RNF216: variants seen among roughly 807,000 people sequenced by gnomAD.
RNF216 encodes the protein E3 ubiquitin-protein ligase RNF216.
In RNF216, 72 loss-of-function variants were observed where a neutral mutation model predicts 110.8. That is an observed-to-expected ratio of 0.65 (90% confidence interval 0.54 to 0.79). The LOEUF is 0.79. RNF216 is among the 30% of genes least tolerant of loss of function. The pLI is 0.00. For synonymous variants in RNF216, 495 were observed against 407.5 expected (o/e 1.21, Z -2.59); for missense variants, 1,342 against 1,141.2 (o/e 1.18, Z -2.54).
intron 14 of RNF216, among the ~76,000 whole-genome samples, chr7:5,642,103 C>A (rs1194809215): frequency 6.7e-6 from 1 of 148,968 alleles, no homozygotes; most frequent in Admixed American, 6.7e-5. Context: ...AGATAAAGTG[C>A]ATTTAGTACT....
At chr7:5,764,556 G>A (rs971979877) in intron 1 of RNF216, among the ~76,000 whole-genome samples, 8 of 151,754 alleles carry the variant, frequency 5.3e-5, no homozygotes, top group South Asian at 2.1e-4. Flanking sequence ...GTTGAGGCGA[G>A]AGAATCGCTT....
intron 7 of RNF216, among the ~76,000 whole-genome samples, chr7:5,726,598 C>T (rs1562434546): frequency 1.3e-5 from 2 of 152,134 alleles, no homozygotes; most frequent in Non-Finnish European, 2.9e-5. Flanking sequence ...TGGCTCACGC[C>T]TGTAATCCCA....
chr7:5,690,903 C>T (rs545100536), intron 13 of RNF216, among the ~76,000 whole-genome samples: 7 of 152,230 alleles, frequency 4.6e-5, no homozygotes, highest in South Asian at 2.1e-4. Flanking sequence ...CATGGAATTG[C>T]GATTTGGGGG....
Position 5,624,175 on chromosome 7 carries a change from G to T in RNF216, c.2383-50C>A. On this transcript the variant is annotated intron_variant, in intron 15 of 16. Coordinates refer to ENST00000389902, the MANE Select transcript of RNF216 (RefSeq NM_207111.4). This position sits in a 1 kb window ranked among gnomAD's most constrained non-coding sequence, Gnocchi z 4.4. Reference sequence around the variant, plus strand: ...TGAACCTGTAGCTTCATGCAGTGCTGAGGCCCCGTGGGACAGTGAGGAGGC... The same window carrying T: ...TGAACCTGTAGCTTCATGCAGTGCTTAGGCCCCGTGGGACAGTGAGGAGGC... The T allele has an allele frequency of 6.6e-7, 1 of 1,522,366 alleles. No homozygotes were observed. Among genetic ancestry groups the T allele is most frequent in the South Asian group, 1.1e-5 (1 of 87,882 alleles). The allele number at this position is 1,522,366 out of a possible 1,614,324, so 94.3% of individuals were successfully genotyped here.
At chr7:5,771,028 G>A (rs1483759112) in intron 1 of RNF216, among the ~76,000 whole-genome samples, 2 of 152,066 alleles carry the variant, frequency 1.3e-5, no homozygotes, top group Non-Finnish European at 2.9e-5. Context: ...GGCTGGTCTC[G>A]AACTCTTGAC....
rs1295939721 is a variant in RNF216, at chr7:5,660,088, C to T, written c.2062-7578G>A. 4.0e-5 allele frequency among the ~76,000 whole-genome samples: 6 copies of T among 150,554 alleles called. No homozygotes were observed. In the South Asian group the frequency reaches 8.4e-4, roughly 21 times the overall value. The stretch of plus-strand genomic sequence containing the variant: ...TCCCGCCTCTATCTTCCGAGTAGCT[C>T]GGACTATGAACACGTGCCACCACAG... On this transcript the variant is annotated intron_variant, in intron 13 of 16. Transcript: ENST00000389902.
chr7:5,686,010 G>C (rs567830976), intron 13 of RNF216, among the ~76,000 whole-genome samples: 3 of 152,040 alleles, frequency 2.0e-5, no homozygotes, highest in African/African-American at 4.8e-5. Flanking sequence ...ATCATCTGAG[G>C]TGAGGAGTTC....
intron 13 of RNF216, among the ~76,000 whole-genome samples, chr7:5,701,937 G>A (rs766449344): frequency 1.1e-4 from 17 of 152,226 alleles, no homozygotes; most frequent in Non-Finnish European, 2.2e-4. Context: ...GGTCTCCTGA[G>A]AAGGTGGAAA....
intron 5 of RNF216, among the ~76,000 whole-genome samples, chr7:5,733,479 G>A (rs1584533323): frequency 6.6e-6 from 1 of 152,076 alleles, no homozygotes. Context: ...ATTTGCAGAA[G>A]GAGAGAAAAA....
rs577441369 is a variant in RNF216, at chr7:5,633,997, G to A, written c.2382+7157C>T. Among the ~76,000 whole-genome samples, 630 of 152,338 alleles carry A rather than the reference G, an allele frequency of 4.1e-3. 1 individual carries two copies. The highest frequency in any genetic ancestry group is 0.013 in the African/African-American group (554 of 41,570). Reference sequence around the variant, plus strand: ...AAGAGAAACTATGAGTGATTAAAAAGGGGAAAAGATTCAATTTATTTTCAC... The same window carrying A: ...AAGAGAAACTATGAGTGATTAAAAAAGGGAAAAGATTCAATTTATTTTCAC... On this transcript the variant is annotated intron_variant, in intron 15 of 16. Coordinates refer to ENST00000389902, the MANE Select transcript of RNF216 (RefSeq NM_207111.4).
intron 1 of RNF216, among the ~76,000 whole-genome samples, chr7:5,765,901 C>A (rs1163179754): frequency 1.4e-5 from 2 of 147,374 alleles, no homozygotes; most frequent in Non-Finnish European, 3.0e-5. Flanking sequence ...TGCAGTGAGC[C>A]CAGATTGCAC....
intron 2 of RNF216, among the ~76,000 whole-genome samples, chr7:5,755,404 T>G (rs1795583553): frequency 6.6e-6 from 1 of 152,166 alleles, no homozygotes; most frequent in South Asian, 2.1e-4. Context: ...ATAAATCAAG[T>G]GTACAAGCTC....
chr7:5,685,693 C>G (rs536537498), intron 13 of RNF216, among the ~76,000 whole-genome samples: 1 of 152,340 alleles, frequency 6.6e-6, no homozygotes, highest in African/African-American at 2.4e-5. Flanking sequence ...CCTCTGCTCT[C>G]AAACTCCCAG....
At chr7:5,772,000 G>A (rs12667079) in intron 1 of RNF216, among the ~76,000 whole-genome samples, 62,172 of 152,190 alleles carry the variant, frequency 0.41, 13,147 homozygotes, top group East Asian at 0.76. Context: ...TTGGAAGGCC[G>A]AGGCGGGTGG....
intron 3 of RNF216, among the ~76,000 whole-genome samples, chr7:5,747,743 T>G: frequency 7.3e-5 from 2 of 27,260 alleles, no homozygotes; most frequent in Non-Finnish European, 1.2e-4. Flanking sequence ...GGAGACTCCA[T>G]CTCAAAAAAA....
At chr7:5,669,077 C>G (rs1789726672) in intron 13 of RNF216, among the ~76,000 whole-genome samples, 1 of 152,174 alleles carries the variant, frequency 6.6e-6, no homozygotes, top group East Asian at 1.9e-4. Flanking sequence ...AGGCAGGTGG[C>G]TACAGATGGC....
At position 5,624,680 on chromosome 7, in the gene RNF216, G is replaced by A. The variant is rs1023219208; in HGVS notation, c.2383-555C>T. On this transcript the variant is annotated intron_variant, in intron 15 of 16. Transcript: ENST00000389902. This position sits in a 1 kb window ranked among gnomAD's most constrained non-coding sequence, Gnocchi z 4.4. ...TGCGACAGTGAGGATGGTCCCCCTC[G>A]GACCTTGCCGTCTCTTCTCCCAAAC... Among the ~76,000 whole-genome samples the A allele has an allele frequency of 7.2e-5, 11 of 152,190 alleles. No individual in the cohort carries two copies. The highest frequency in any genetic ancestry group is 2.4e-4 in the African/African-American group (10 of 41,452).
At chr7:5,750,306 TG>T (rs1562460090) in intron 3 of RNF216, among the ~76,000 whole-genome samples, 1 of 152,206 alleles carries the variant, frequency 6.6e-6, no homozygotes, top group East Asian at 1.9e-4. Flanking sequence ...TGCCCTGGTT[TG>T]GTTTCCTAGC....
intron 10 of RNF216, among the ~76,000 whole-genome samples, chr7:5,716,479 T>C (rs1398000271): frequency 6.6e-6 from 1 of 152,112 alleles, no homozygotes; most frequent in African/African-American, 2.4e-5. Flanking sequence ...ATCTGATGAA[T>C]GTCAGGTAAT....
Sources: allele counts gnomAD v4.1 joint callset (sites outside exome capture counted in the v4.1 genomes callset), GRCh38; gene constraint gnomAD v4.1.1; non-coding constraint Gnocchi (gnomAD v3.1); transcripts MANE v1.5; gene names NCBI Gene and HGNC (gene_info 2026-07-23, HGNC 2026-07-21).